The following ERC2 variants were observed in gnomAD, a reference collection of about 807,000 sequenced individuals.
ERC2 encodes ERC protein 2.
Under a neutral mutation model 114.8 loss-of-function variants are expected in ERC2, and 42 were observed. The observed-to-expected ratio is 0.37, with a 90% CI of 0.29 to 0.47. The LOEUF is 0.47. ERC2 is among the 20% of genes least tolerant of loss of function. The pLI, the probability that ERC2 is intolerant of heterozygous loss-of-function variation, is 0.99. For synonymous variants in ERC2, 454 were observed against 425.5 expected, an observed-to-expected ratio of 1.07 and a Z score of -0.82; for missense variants, 939 against 1,150.7, an observed-to-expected ratio of 0.82 and a Z score of 2.66.
chr3:56,367,416 A>G (rs2059191657), intron 2 of ERC2, among the ~76,000 whole-genome samples: 2 of 152,074 alleles, frequency 1.3e-5, no homozygotes, highest in South Asian at 4.1e-4. Context: ...TTGCCTCTCT[A>G]TACCCAGTGC....
Position 55,772,337 on chromosome 3 carries a change from C to T in ERC2, c.2565-37419G>A, listed in dbSNP as rs190217360. 4.4e-3 allele frequency among the ~76,000 whole-genome samples: 659 copies of T among 150,132 alleles called. 3 individuals carry two copies. Among genetic ancestry groups the T allele is most frequent in the African/African-American group, 0.015 (615 of 40,852 alleles). ...TTTGTATTCTTTTTTTTTTTTGAGA[C>T]GGAGTCTCGCTCTGTAGCCCAGGCT... On this transcript the variant is annotated intron_variant, in intron 14 of 17. Coordinates refer to ENST00000288221, the MANE Select transcript of ERC2 (RefSeq NM_015576.3).
chr3:55,546,780 G>A (rs552700158), intron 17 of ERC2, among the ~76,000 whole-genome samples: 1 of 152,306 alleles, frequency 6.6e-6, no homozygotes, highest in East Asian at 1.9e-4. Flanking sequence ...GGCCTCTCCG[G>A]TACCAGAGAG....
At chr3:55,665,923 G>C (rs375481971) in intron 17 of ERC2, among the ~76,000 whole-genome samples, 1 of 152,212 alleles carries the variant, frequency 6.6e-6, no homozygotes, top group Non-Finnish European at 1.5e-5. Context: ...CACACAGCTA[G>C]CATGTGGCCA....
chr3:55,874,754 A>T (rs1397742543), intron 14 of ERC2, among the ~76,000 whole-genome samples: 1 of 152,062 alleles, frequency 6.6e-6, no homozygotes, highest in Non-Finnish European at 1.5e-5. Flanking sequence ...GAAAGAAATG[A>T]GACCTTGAGG....
intron 14 of ERC2, among the ~76,000 whole-genome samples, chr3:55,736,889 C>T (rs752952012): frequency 5.3e-5 from 8 of 152,098 alleles, no homozygotes; most frequent in Admixed American, 1.3e-4. Flanking sequence ...ATGATTTTTG[C>T]GTAGGAAATA....
chr3:55,928,235 G>A (rs750573382), intron 13 of ERC2, among the ~76,000 whole-genome samples: 10 of 152,134 alleles, frequency 6.6e-5, no homozygotes, highest in South Asian at 2.1e-4. Context: ...CCAACAGTGC[G>A]TAAGTCTTCC....
intron 3 of ERC2, among the ~76,000 whole-genome samples, chr3:56,291,253 C>T (rs879373353): frequency 6.6e-6 from 1 of 152,188 alleles, no homozygotes; most frequent in Non-Finnish European, 1.5e-5. Flanking sequence ...AATGTCTTAT[C>T]AAATCAACCT....
chr3:56,410,142 A>G (rs1184363357), intron 2 of ERC2, among the ~76,000 whole-genome samples: 1 of 152,206 alleles, frequency 6.6e-6, no homozygotes, highest in Non-Finnish European at 1.5e-5. Context: ...GCCAGTAATT[A>G]AAAAGCGATG....
At chr3:55,641,548 T>TA in intron 17 of ERC2, among the ~76,000 whole-genome samples, 1 of 30,812 alleles carries the variant, frequency 3.2e-5, no homozygotes, top group Non-Finnish European at 5.0e-5. Flanking sequence ...AGATTCTATC[T>TA]CAAAAAAAAA....
At chr3:56,189,444 G>A (rs886136836) in intron 3 of ERC2, among the ~76,000 whole-genome samples, 4 of 152,234 alleles carry the variant, frequency 2.6e-5, no homozygotes, top group Admixed American at 2.6e-4. Context: ...GACAACAGCA[G>A]CATCTGTTGA....
chr3:55,879,084 TTTTTCTTTTTCTTAA>T, intron 14 of ERC2, among the ~76,000 whole-genome samples: 1 of 72,140 alleles, frequency 1.4e-5, no homozygotes, highest in Admixed American at 2.0e-4. Flanking sequence ...CTTTTCTTTT[TTTTTCTTTTTCTTAA>T]TTTTTTTTTT....
At chr3:56,101,380 C>T (rs2078345770) in intron 6 of ERC2, among the ~76,000 whole-genome samples, 2 of 116,710 alleles carry the variant, frequency 1.7e-5, no homozygotes, top group African/African-American at 7.0e-5. Flanking sequence ...CATCCACATA[C>T]GTGCTTCACC....
chr3:55,674,774 T>C (rs550226305), intron 17 of ERC2, among the ~76,000 whole-genome samples: 11 of 152,300 alleles, frequency 7.2e-5, no homozygotes, highest in South Asian at 2.1e-4. Flanking sequence ...TCTCTGCATA[T>C]ACACAGTGAC....
rs145037081 is a variant in ERC2 at position 55,734,834 on chromosome 3, C to A, written c.2649G>T (p.Thr883=). 5.0e-6 allele frequency: 8 copies of A among 1,612,984 alleles called. No individual in the cohort carries two copies. Among genetic ancestry groups the A allele is most frequent in the Middle Eastern group, 3.3e-4 (2 of 6,052 alleles). Residue 883 remains threonine (T), a synonymous_variant, in exon 15 of 18, where the codon ACG becomes ACT. Transcript: ENST00000288221. ...LELSASKKKK[T]QEEVMALKRE... ...GCTTGAGGGCCATGACTTCTTCCTGCGTCTTTTTCTTTTTGGAGGCAGACA... is the reference window on the plus strand; with the variant it reads ...GCTTGAGGGCCATGACTTCTTCCTGAGTCTTTTTCTTTTTGGAGGCAGACA...
intron 17 of ERC2, among the ~76,000 whole-genome samples, chr3:55,627,352 G>A (rs573662063): frequency 1.7e-4 from 26 of 152,090 alleles, no homozygotes; most frequent in Non-Finnish European, 2.9e-4. Context: ...TGTAATCCCA[G>A]CTACTCGGGA....
At chr3:55,536,482 G>C (rs1327512798) in intron 17 of ERC2, among the ~76,000 whole-genome samples, 2 of 152,226 alleles carry the variant, frequency 1.3e-5, no homozygotes, top group Non-Finnish European at 2.9e-5. Flanking sequence ...CTGATACAGA[G>C]TATGTGCCCA....
chr3:56,100,585 T>C (rs2078298735), intron 6 of ERC2, among the ~76,000 whole-genome samples: 1 of 152,264 alleles, frequency 6.6e-6, no homozygotes, highest in African/African-American at 2.4e-5. Context: ...TTAACAATTC[T>C]AAGTATTGTT....
chr3:56,174,974 C>T (rs2082892168), intron 3 of ERC2, among the ~76,000 whole-genome samples: 1 of 29,002 alleles, frequency 3.4e-5, no homozygotes, highest in East Asian at 2.8e-3. Context: ...GAGACTCTGT[C>T]TAAAAAAAAA....
At chr3:55,704,318 ACTTTG>A (rs74463723) in intron 15 of ERC2, among the ~76,000 whole-genome samples, 2,723 of 152,346 alleles carry the variant, frequency 0.018, 35 homozygotes, top group Middle Eastern at 0.034. Flanking sequence ...GCAATAACAA[ACTTTG>A]CTTTGATCAG....
Sources: gnomAD v4.1 joint callset for allele counts (sites outside exome capture counted in the v4.1 genomes callset) on GRCh38, gnomAD v4.1.1 for gene constraint, MANE v1.5 for transcripts, NCBI Gene and HGNC (gene_info 2026-07-23, HGNC 2026-07-21) for gene names.